The following TRHDE variants were observed in gnomAD, a reference collection of about 807,000 sequenced individuals.
The protein encoded by TRHDE is thyrotropin-releasing hormone-degrading ectoenzyme.
In TRHDE, 72 loss-of-function variants were observed where a neutral mutation model predicts 125.7. The observed-to-expected ratio is 0.57, with a 90% confidence interval of 0.47 to 0.70. TRHDE has a LOEUF of 0.70. TRHDE is among the 30% of genes least tolerant of loss of function. The pLI is 0.00. For missense variants in TRHDE, 1,110 were observed against 1,327.1 expected, an observed-to-expected ratio of 0.84 and a Z score of 2.54; for synonymous variants, 509 against 509.1, an observed-to-expected ratio of 1.00 and a Z score of 0.00.
intron 1 of TRHDE, among the ~76,000 whole-genome samples, chr12:72,279,885 A>G: frequency 6.6e-6 from 1 of 152,200 alleles, no homozygotes; most frequent in East Asian, 1.9e-4. Context: ...TGTTTTAATC[A>G]TTCACATCTT....
chr12:72,655,736 T>G (rs886937013), intron 17 of TRHDE, among the ~76,000 whole-genome samples: 1 of 152,182 alleles, frequency 6.6e-6, no homozygotes, highest in Admixed American at 6.6e-5. Context: ...TAAAAACAAC[T>G]AACACTTCTT....
intron 2 of TRHDE, among the ~76,000 whole-genome samples, chr12:72,362,492 T>A (rs1427299456): frequency 5.9e-5 from 9 of 152,130 alleles, no homozygotes; most frequent in South Asian, 2.1e-4. Context: ...GGTTGCGAAA[T>A]TTTTCTCCCA....
intron 3 of TRHDE, among the ~76,000 whole-genome samples, chr12:72,405,359 C>T (rs1873220980): frequency 3.3e-5 from 5 of 152,148 alleles, no homozygotes. Context: ...CTCCATAGAT[C>T]ATTGTGTTTA....
chr12:72,369,422 T>C (rs1871474568), intron 2 of TRHDE, among the ~76,000 whole-genome samples: 1 of 152,138 alleles, frequency 6.6e-6, no homozygotes, highest in Non-Finnish European at 1.5e-5. Flanking sequence ...TGGAGAAAGG[T>C]CGCTGAGCAG....
intron 2 of TRHDE, among the ~76,000 whole-genome samples, chr12:72,365,307 C>G (rs1871295405): frequency 1.3e-5 from 2 of 152,014 alleles, no homozygotes; most frequent in South Asian, 2.1e-4. Context: ...TCAGGTGACT[C>G]TAGTCCAGTG....
chr12:72,425,411 T>C (rs750312974), intron 3 of TRHDE, among the ~76,000 whole-genome samples: 2 of 152,120 alleles, frequency 1.3e-5, no homozygotes, highest in African/African-American at 2.4e-5. Flanking sequence ...TTCTTACTTA[T>C]AGAAGAATTT....
intron 2 of TRHDE, among the ~76,000 whole-genome samples, chr12:72,197,128 T>C (rs1294662281): frequency 6.6e-6 from 1 of 152,108 alleles, no homozygotes; most frequent in Non-Finnish European, 1.5e-5. Context: ...AAACACTATC[T>C]TTAGTAAGCT....
At chr12:72,498,843 G>A (rs1322284819) in intron 5 of TRHDE, among the ~76,000 whole-genome samples, 2 of 151,998 alleles carry the variant, frequency 1.3e-5, no homozygotes, top group Admixed American at 1.3e-4. Flanking sequence ...AATACCTATT[G>A]ATCTCTACTT....
intron 2 of TRHDE, among the ~76,000 whole-genome samples, chr12:72,297,496 C>G (rs1304027778): frequency 6.6e-6 from 1 of 152,084 alleles, no homozygotes; most frequent in Non-Finnish European, 1.5e-5. Context: ...TGTGTTGGAA[C>G]AAGCGTCAAT....
At chr12:72,317,819 T>C (rs1239861996) in intron 2 of TRHDE, among the ~76,000 whole-genome samples, 1 of 152,010 alleles carries the variant, frequency 6.6e-6, no homozygotes, top group Non-Finnish European at 1.5e-5. Flanking sequence ...AACAATGGCA[T>C]GCGTAAAGGT....
intron 3 of TRHDE, among the ~76,000 whole-genome samples, chr12:72,454,165 A>G (rs998503038): frequency 6.6e-5 from 10 of 151,846 alleles, no homozygotes; most frequent in Non-Finnish European, 1.3e-4. Flanking sequence ...CAATAGTGCA[A>G]AAATGCTTGT....
At chr12:72,122,657 T>C (rs532511885) in intron 2 of TRHDE, among the ~76,000 whole-genome samples, 11 of 152,268 alleles carry the variant, frequency 7.2e-5, no homozygotes, top group South Asian at 2.1e-4. Flanking sequence ...GAGTTTTATA[T>C]GGCAGCATTC....
At chr12:72,627,847 A>T (rs1163448828) in intron 15 of TRHDE, among the ~76,000 whole-genome samples, 2 of 143,782 alleles carry the variant, frequency 1.4e-5, no homozygotes, top group African/African-American at 5.1e-5. Flanking sequence ...CACCTGGCTA[A>T]TTTTTTTTTT....
At chr12:72,617,938 C>T (rs1565811907) in intron 12 of TRHDE, among the ~76,000 whole-genome samples, 1 of 152,142 alleles carries the variant, frequency 6.6e-6, no homozygotes, top group African/African-American at 2.4e-5. Context: ...TAGGTTCCAA[C>T]ACATAAATTT....
rs1387746512 is a variant in TRHDE, at chr12:72,621,648, C to T, written c.2572C>T (p.Leu858=). The part of the protein sequence containing the change: ...LVQASYQHEE[L]RREVIMLACS... Reference sequence around the variant, plus strand: ...TTCCCTTTTGATGATATCTAGAGAACTACGTAGAGAAGTTATAATGCTGGC... The same window carrying T: ...TTCCCTTTTGATGATATCTAGAGAATTACGTAGAGAAGTTATAATGCTGGC... Residue 858 remains leucine (L), a synonymous_variant, in exon 15 of 19, where the codon CTA becomes TTA. Transcript: ENST00000261180. 1 of 1,604,254 alleles carries T rather than the reference C, an allele frequency of 6.2e-7. No individual in the cohort carries two copies. Among genetic ancestry groups the T allele is most frequent in the Non-Finnish European group, 8.5e-7 (1 of 1,175,646 alleles).
chr12:72,630,186 A>AT lies in TRHDE; in HGVS notation c.2675+8436dup, dbSNP rs1201080237. Among the ~76,000 whole-genome samples, 24 of 151,810 alleles carry AT rather than the reference A, an allele frequency of 1.6e-4. No homozygotes were observed. In the East Asian group the frequency reaches 3.9e-3, roughly 25 times the overall value. Reference sequence around the variant, plus strand: ...CTCCAAAAGATGCCTTCAAATCCTAATCCCCACATGTAAATGTGATTTTAT... The same window carrying AT: ...CTCCAAAAGATGCCTTCAAATCCTAATTCCCCACATGTAAATGTGATTTTAT... On this transcript the variant is annotated intron_variant, in intron 15 of 18. Transcript: ENST00000261180.
At chr12:72,598,610 G>A (rs1444246732) in intron 12 of TRHDE, among the ~76,000 whole-genome samples, 2 of 152,136 alleles carry the variant, frequency 1.3e-5, no homozygotes, top group Admixed American at 6.5e-5. Context: ...TACAAATAGC[G>A]ATAAATGGAA....
upstream of TRHDE, among the ~76,000 whole-genome samples, chr12:72,269,886 TAGAA>T (rs373249968): frequency 2.0e-4 from 31 of 152,328 alleles, no homozygotes; most frequent in East Asian, 5.8e-3. Flanking sequence ...ACTAATGTTT[TAGAA>T]AGAGAAAGTC....
chr12:72,249,535 A>G (rs1418675403), intron 2 of TRHDE, among the ~76,000 whole-genome samples: 4 of 152,204 alleles, frequency 2.6e-5, no homozygotes, highest in Non-Finnish European at 5.9e-5. Flanking sequence ...AAAAAGACAT[A>G]TGGAAGCTGG....
Sources: gnomAD v4.1 joint callset for allele counts (sites outside exome capture counted in the v4.1 genomes callset) on GRCh38, gnomAD v4.1.1 for gene constraint, MANE v1.5 for transcripts, NCBI Gene and HGNC (gene_info 2026-07-23, HGNC 2026-07-21) for gene names.